Variants in CDC42SE2 observed in about 807,000 individuals in gnomAD.
CDC42SE2 encodes the protein CDC42 small effector protein 2.
CDC42SE2 carries 3 observed loss-of-function variants against 11.5 expected under a neutral mutation model. The ratio of observed to expected loss-of-function variants is 0.26; its 90% CI spans 0.12 to 0.67. The LOEUF (loss-of-function observed/expected upper bound fraction) is 0.67. Among genes scored for constraint, CDC42SE2 ranks in the 30% least tolerant of loss-of-function variants. The pLI, the probability that CDC42SE2 is intolerant of heterozygous loss-of-function variation, is 0.80. For missense variants in CDC42SE2, 82 were observed against 106.8 expected (o/e 0.77, Z 1.02); for synonymous variants, 33 against 34.8 (o/e 0.95, Z 0.18).
At chr5:131,352,361 T>A (rs1749367535) in intron 2 of CDC42SE2, among the ~76,000 whole-genome samples, 1 of 152,062 alleles carries the variant, frequency 6.6e-6, no homozygotes, top group South Asian at 2.1e-4. Flanking sequence ...TACTTAGCAA[T>A]AAAAAATAAT....
rs1209275675 is a variant in CDC42SE2 at position 131,364,249 on chromosome 5, A to G, written c.54+4702A>G. Among the ~76,000 whole-genome samples the G allele has an allele frequency of 2.6e-5, 4 of 152,196 alleles. No homozygotes were observed. The South Asian group carries it at 6.2e-4, about 24-fold the overall frequency. ...AGAGGATGACGTTGGAGAAATGGGG[A>G]TATGAATTTAAATAGTGTGTTCAGG... On this transcript the variant is annotated intron_variant, in intron 3 of 4. Transcript: ENST00000505065.
At chr5:131,328,797 T>C (rs2149739506) in intron 2 of CDC42SE2, among the ~76,000 whole-genome samples, 1 of 152,230 alleles carries the variant, frequency 6.6e-6, no homozygotes, top group African/African-American at 2.4e-5. Flanking sequence ...TCCAGGTGAG[T>C]TTAAGGAAAG....
the CDC42SE2 span, among the ~76,000 whole-genome samples, chr5:131,220,069 G>C: frequency 1.3e-5 from 2 of 152,116 alleles, no homozygotes; most frequent in Non-Finnish European, 2.9e-5. Context: ...TGTTTGATCA[G>C]GGATTACTGA....
intron 1 of CDC42SE2, among the ~76,000 whole-genome samples, chr5:131,293,872 C>T (rs930551607): frequency 6.6e-6 from 1 of 152,148 alleles, no homozygotes; most frequent in Non-Finnish European, 1.5e-5. Flanking sequence ...ACAGACTGAT[C>T]GCTCTGCCAT....
At chr5:131,237,734 C>T in the CDC42SE2 span, among the ~76,000 whole-genome samples, 1 of 152,234 alleles carries the variant, frequency 6.6e-6, no homozygotes, top group Middle Eastern at 3.4e-3. Flanking sequence ...ATTGTAGGCG[C>T]TCACCACCAT....
In CDC42SE2 at chr5:131,383,717, A is replaced by G. The variant is rs79472293; in HGVS notation, c.55-1826A>G. ...AGCCTGTCACCTGTTTTTGTAAATA[A>G]ATTTTTACCATAACACAGCTATACT... is the stretch of plus-strand genomic sequence containing the variant. On this transcript the variant is annotated intron_variant, in intron 3 of 4. Transcript: ENST00000505065. 4.9e-3 allele frequency among the ~76,000 whole-genome samples: 748 copies of G among 152,250 alleles called. 10 individuals are homozygous for G. Among genetic ancestry groups the G allele is most frequent in the African/African-American group, 0.017 (708 of 41,546 alleles).
intron 2 of CDC42SE2, among the ~76,000 whole-genome samples, chr5:131,334,280 A>T (rs1424860786): frequency 6.6e-6 from 1 of 152,132 alleles, no homozygotes; most frequent in South Asian, 2.1e-4. Flanking sequence ...TGATTTGCAT[A>T]TGTTGAACCA....
the CDC42SE2 span, among the ~76,000 whole-genome samples, chr5:131,217,613 A>C: frequency 6.6e-6 from 1 of 152,228 alleles, no homozygotes; most frequent in South Asian, 2.1e-4. Flanking sequence ...GAAAACAATA[A>C]AACTTTTAAA....
At chr5:131,390,939 C>A in intron 4 of CDC42SE2, 54 bp from the exon 5 acceptor site, 1 of 1,162,020 alleles carries the variant, frequency 8.6e-7, no homozygotes. Flanking sequence ...TTAGTTGCAC[C>A]GGACCTACTT....
At chr5:131,243,639 T>G (rs1168646908), upstream of CDC42SE2, among the ~76,000 whole-genome samples, 1 of 152,232 alleles carries the variant, frequency 6.6e-6, no homozygotes, top group Non-Finnish European at 1.5e-5. Flanking sequence ...TTTTTCATTT[T>G]GCACAGGGCC....
intron 1 of CDC42SE2, among the ~76,000 whole-genome samples, chr5:131,253,530 C>T (rs1756657083): frequency 6.6e-6 from 1 of 151,986 alleles, no homozygotes; most frequent in South Asian, 2.1e-4. Context: ...TTTGGGAGGC[C>T]GAGGCGGGTT....
chr5:131,221,279 A>G, the CDC42SE2 span, among the ~76,000 whole-genome samples: 1 of 151,612 alleles, frequency 6.6e-6, no homozygotes, highest in Non-Finnish European at 1.5e-5. Flanking sequence ...ACTTTCATAA[A>G]ACATTATGAG....
At chr5:131,312,227 C>A (rs889867515) in intron 1 of CDC42SE2, among the ~76,000 whole-genome samples, 15 of 151,300 alleles carry the variant, frequency 9.9e-5, no homozygotes, top group Non-Finnish European at 4.4e-5. Flanking sequence ...TGTGCCCCTG[C>A]TGGGGGGTGC....
the CDC42SE2 span, among the ~76,000 whole-genome samples, chr5:131,229,146 G>T: frequency 6.7e-6 from 1 of 149,704 alleles, no homozygotes; most frequent in Non-Finnish European, 1.5e-5. Context: ...AAACTACATA[G>T]ACTTATAATT....
At chr5:131,365,385 C>T (rs189993149) in intron 3 of CDC42SE2, among the ~76,000 whole-genome samples, 32 of 152,124 alleles carry the variant, frequency 2.1e-4, no homozygotes, top group Middle Eastern at 3.5e-3. Context: ...GGAACTCTAG[C>T]TGAGGGCACT....
intron 2 of CDC42SE2, among the ~76,000 whole-genome samples, chr5:131,349,154 C>T (rs1456706743): frequency 2.6e-5 from 4 of 152,112 alleles, no homozygotes; most frequent in Non-Finnish European, 5.9e-5. Flanking sequence ...TCTAATCTAA[C>T]TTTGCAGCCA....
upstream of CDC42SE2, among the ~76,000 whole-genome samples, chr5:131,241,132 C>T (rs1261060967): frequency 6.6e-6 from 1 of 152,162 alleles, no homozygotes. Context: ...GCGTCCACCA[C>T]CACGCCCAGC....
rs1232449762 is a variant in CDC42SE2, at chr5:131,392,268, G to A, written c.*1177G>A. The A allele has an allele frequency of 6.6e-6, 1 of 152,650 alleles. No homozygotes were observed. Among genetic ancestry groups the A allele is most frequent in the Non-Finnish European group, 1.5e-5 (1 of 68,024 alleles). 9.5% of individuals were successfully genotyped at this position (152,650 alleles called of 1,614,324 possible). On this transcript the variant is annotated 3_prime_UTR_variant, in exon 5 of 5. Coordinates refer to ENST00000505065, the MANE Select transcript of CDC42SE2 (RefSeq NM_001375635.1). ...CCATCATTTATGTATATTTTGGAAG[G>A]TATGAGACCCACAAGCACAATGATC...
chr5:131,380,602 T>TG (rs1210115586), intron 3 of CDC42SE2, among the ~76,000 whole-genome samples: 10 of 152,196 alleles, frequency 6.6e-5, no homozygotes, highest in African/African-American at 2.4e-4. Context: ...TAAAGAACAC[T>TG]TCCACCTGTG....
Sources: gnomAD v4.1 joint callset for allele counts (sites outside exome capture counted in the v4.1 genomes callset) on GRCh38, gnomAD v4.1.1 for gene constraint, MANE v1.5 for transcripts, NCBI Gene and HGNC (gene_info 2026-07-23, HGNC 2026-07-21) for gene names.